Variants in MME observed in about 807,000 individuals in gnomAD.
MME encodes neprilysin.
Under a neutral mutation model 113.2 loss-of-function variants are expected in MME, and 98 were observed. That is an observed-to-expected ratio of 0.87 (90% CI 0.74 to 1.02). The LOEUF (loss-of-function observed/expected upper bound fraction) is 1.02. Among genes scored for constraint, MME ranks in the 50% least tolerant of loss-of-function variants. MME has a pLI of 0.00. For synonymous variants in MME, 292 were observed against 300.6 expected (o/e 0.97, Z 0.30); for missense variants, 836 against 896.0 (o/e 0.93, Z 0.86).
rs73875803 is a variant in MME at position 155,085,113 on chromosome 3, G to A, written c.196+19G>A. The A allele has an allele frequency of 2.0e-5, 30 of 1,518,726 alleles. No individual in the cohort carries two copies. Among genetic ancestry groups the A allele is most frequent in the African/African-American group, 5.5e-5 (4 of 73,194 alleles). The allele number at this position is 1,518,726 out of a possible 1,614,324, so 94.1% of individuals were successfully genotyped here. On this transcript the variant is annotated intron_variant, in intron 3 of 22. Coordinates refer to ENST00000360490, the MANE Select transcript of MME (RefSeq NM_007289.4). ...AAATCAGGTAAGAAATGGTTTTTAC[G>A]TGTAATAGTTATACAACTGATGTAT...
intron 1 of MME, among the ~76,000 whole-genome samples, chr3:155,056,768 G>A (rs530538194): frequency 6.6e-6 from 1 of 152,230 alleles, no homozygotes; most frequent in Non-Finnish European, 1.5e-5. Flanking sequence ...CTTCCACAAT[G>A]GTTGAACTAG....
chr3:155,132,910 G>A lies in MME; in HGVS notation c.721-5192G>A, dbSNP rs549759984. Among the ~76,000 whole-genome samples the A allele has an allele frequency of 5.3e-5, 8 of 150,684 alleles. No individual in the cohort carries two copies. In the South Asian group the frequency reaches 6.4e-4, roughly 12 times the overall value. On this transcript the variant is annotated intron_variant, in intron 8 of 22. Transcript: ENST00000360490. ...CTCTACTAAATACAAAAAATTAGCCGGGCATGGTGGCACATGCCTATAATC... is the reference window on the plus strand; with the variant it reads ...CTCTACTAAATACAAAAAATTAGCCAGGCATGGTGGCACATGCCTATAATC...
chr3:155,084,466 A>G lies in MME; in HGVS notation c.160+139A>G, dbSNP rs1003893513. Reference sequence around the variant, plus strand: ...ACAAAGAGATTCATTTATAAAATGTAACATCAATATGTCAAAATAATTAAC... The same window carrying G: ...ACAAAGAGATTCATTTATAAAATGTGACATCAATATGTCAAAATAATTAAC... On this transcript the variant is annotated intron_variant, in intron 2 of 22. Coordinates refer to ENST00000360490, the MANE Select transcript of MME (RefSeq NM_007289.4). 20 of 845,408 alleles carry G rather than the reference A, an allele frequency of 2.4e-5. No homozygotes were observed. In the East Asian group the frequency reaches 4.2e-4, roughly 18 times the overall value. 52.4% of individuals were successfully genotyped at this position (845,408 alleles called of 1,614,324 possible). A position where few individuals can be genotyped will look rare whatever the true frequency, so the allele number is the denominator to read the frequency against.
chr3:155,113,041 A>T (rs1357861332), intron 3 of MME, among the ~76,000 whole-genome samples: 3 of 152,310 alleles, frequency 2.0e-5, no homozygotes, highest in Middle Eastern at 3.4e-3. Context: ...CAGGGAAGAG[A>T]TGGAACATGA....
rs539630716 is a variant in MME at position 155,163,608 on chromosome 3, G to A, written c.1660+3160G>A. The stretch of plus-strand genomic sequence containing the variant: ...AGTCATCTTATTAAACCTTAAAATC[G>A]CAGTCAAGGAAATAATTTAGTGTAT... On this transcript the variant is annotated intron_variant, in intron 17 of 22. Transcript: ENST00000360490. Among the ~76,000 whole-genome samples the A allele has an allele frequency of 5.3e-5, 8 of 152,074 alleles. No homozygotes were observed. In the East Asian group the frequency reaches 5.8e-4, roughly 11 times the overall value.
chr3:155,118,818 AG>A lies in MME; in HGVS notation c.720+8del. Reference sequence around the variant, plus strand: ...CACTGGAATCTATAAAGAGGTAAAAAGAAAAAAAATAATCAAAACCAAACTA... The same window carrying A: ...CACTGGAATCTATAAAGAGGTAAAAAAAAAAAAATAATCAAAACCAAACTA... On this transcript the variant is annotated splice_region_variant and intron_variant, in intron 8 of 22. Coordinates refer to ENST00000360490, the MANE Select transcript of MME (RefSeq NM_007289.4). 6.4e-7 allele frequency: 1 copy of A among 1,565,476 alleles called. No individual in the cohort carries two copies. Among genetic ancestry groups the A allele is most frequent in the East Asian group, 2.3e-5 (1 of 43,990 alleles).
intron 1 of MME, chr3:155,083,765 C>A: frequency 4.8e-6 from 1 of 206,266 alleles, no homozygotes; most frequent in Non-Finnish European, 1.0e-5. Flanking sequence ...TAAAATTAAC[C>A]ATTGATGTTA....
chr3:155,149,494 G>A (rs535297861), intron 16 of MME, among the ~76,000 whole-genome samples: 1 of 152,190 alleles, frequency 6.6e-6, no homozygotes, highest in African/African-American at 2.4e-5. Context: ...AGAGGTGCTT[G>A]TTTCATTCAT....
At chr3:155,066,158 G>A (rs915734811) in intron 1 of MME, among the ~76,000 whole-genome samples, 1 of 152,104 alleles carries the variant, frequency 6.6e-6, no homozygotes, top group Non-Finnish European at 1.5e-5. Context: ...TTTTTAAAGA[G>A]CATTTAATGA....
At chr3:155,114,248 C>G (rs1718415616) in intron 3 of MME, among the ~76,000 whole-genome samples, 1 of 152,174 alleles carries the variant, frequency 6.6e-6, no homozygotes, top group Admixed American at 6.5e-5. Flanking sequence ...CCATATTCTC[C>G]TCTTCGTTGG....
chr3:155,097,507 A>G (rs181378812), intron 3 of MME, among the ~76,000 whole-genome samples: 1 of 152,344 alleles, frequency 6.6e-6, no homozygotes, highest in East Asian at 1.9e-4. Flanking sequence ...GAAAGCAGAA[A>G]GGAAGACATT....
At chr3:155,046,380 T>C (rs1713560192) in intron 1 of MME, among the ~76,000 whole-genome samples, 1 of 152,188 alleles carries the variant, frequency 6.6e-6, no homozygotes, top group South Asian at 2.1e-4. Flanking sequence ...CATAAGATGA[T>C]AATGGAGATA....
At chr3:155,172,254 G>C (rs1344466399) in intron 21 of MME, 42 bp downstream of exon 21, 1 of 1,349,028 alleles carries the variant, frequency 7.4e-7, no homozygotes, top group East Asian at 2.3e-5. Flanking sequence ...AAACCATTTT[G>C]AGTTATAATT....
intron 3 of MME, among the ~76,000 whole-genome samples, chr3:155,099,905 T>G (rs1368441587): frequency 1.3e-5 from 2 of 152,160 alleles, no homozygotes; most frequent in African/African-American, 2.4e-5. Context: ...TTCCTTTGGG[T>G]ATATACCCAG....
At chr3:155,159,258 G>T (rs1722537534) in intron 16 of MME, among the ~76,000 whole-genome samples, 1 of 152,024 alleles carries the variant, frequency 6.6e-6, no homozygotes, top group South Asian at 2.1e-4. Context: ...AAACAGTTCT[G>T]ATGTAACCTA....
rs1192389951 is a variant in MME, at chr3:155,042,913, T to TATATATATATAC, written c.-11+18600_-11+18601insCATATATATATA. Among the ~76,000 whole-genome samples the TATATATATATAC allele has an allele frequency of 2.2e-3, 98 of 43,620 alleles. 2 individuals are homozygous for TATATATATATAC. The East Asian group carries it at 0.065, about 29-fold the overall frequency. The allele number at this position is 43,620 out of a possible 152,430, so 28.6% of individuals were successfully genotyped here. Reference sequence around the variant, plus strand: ...CAATAGTAGGTTTTATATATATATATATATATATATATATATATATATATA... The same window carrying TATATATATATAC: ...CAATAGTAGGTTTTATATATATATATATATATATATACATATATATATATATATATATATATA... On this transcript the variant is annotated intron_variant, in intron 1 of 22. Transcript: ENST00000492661.
intron 1 of MME, among the ~76,000 whole-genome samples, chr3:155,068,495 C>G (rs1370740062): frequency 6.6e-6 from 1 of 152,164 alleles, no homozygotes; most frequent in Non-Finnish European, 1.5e-5. Context: ...TAATTCCTCC[C>G]AAAACTTGAA....
In MME at chr3:155,133,063, AT is replaced by A. The variant is rs1274246950; in HGVS notation, c.721-5038del. Among the ~76,000 whole-genome samples the A allele has an allele frequency of 3.0e-3, 282 of 95,100 alleles. 3 individuals carry two copies. Among genetic ancestry groups the A allele is most frequent in the African/African-American group, 0.011 (233 of 21,690 alleles). 62.4% of individuals were successfully genotyped at this position (95,100 alleles called of 152,430 possible). ...CTAAAAAAAAAAAAAAAAAAAAAAAATATATATATATATATATGTATAAAGT... is the reference window on the plus strand; with the variant it reads ...CTAAAAAAAAAAAAAAAAAAAAAAAAATATATATATATATATGTATAAAGT... On this transcript the variant is annotated intron_variant, in intron 8 of 22. Transcript: ENST00000360490.
At chr3:155,042,930 A>ATATATG (rs1553749798) in intron 1 of MME, among the ~76,000 whole-genome samples, 9 of 70,526 alleles carry the variant, frequency 1.3e-4, no homozygotes, top group African/African-American at 5.8e-4. Flanking sequence ...ATATATATAT[A>ATATATG]TATATATATG....
Sources: gnomAD v4.1 joint callset for allele counts (sites outside exome capture counted in the v4.1 genomes callset) on GRCh38, gnomAD v4.1.1 for gene constraint, MANE v1.5 for transcripts, NCBI Gene and HGNC (gene_info 2026-07-23, HGNC 2026-07-21) for gene names.